NOX4: variants seen among roughly 807,000 people sequenced by gnomAD.
NOX4 encodes kidney oxidase-1.
In NOX4, 69 loss-of-function variants were observed where a neutral mutation model predicts 87.6. That is an observed-to-expected ratio of 0.79 (90% CI 0.65 to 0.96). The LOEUF (loss-of-function observed/expected upper bound fraction) is 0.96, where lower values mean the gene tolerates loss of function less well. Among genes scored for constraint, NOX4 ranks in the 40% least tolerant of loss-of-function variants. The pLI, the probability that NOX4 is intolerant of heterozygous loss-of-function variation, is 0.00. For synonymous variants in NOX4, 275 were observed against 238.2 expected, an observed-to-expected ratio of 1.15 and a Z score of -1.42; for missense variants, 680 against 681.5, an observed-to-expected ratio of 1.00 and a Z score of 0.02.
rs1941318090 is a variant in NOX4, at chr11:89,394,193, T to C, written c.1074+5824A>G. Among the ~76,000 whole-genome samples the C allele has an allele frequency of 2.6e-5, 4 of 152,256 alleles. No homozygotes were observed. The South Asian group carries it at 8.3e-4, about 32-fold the overall frequency. On this transcript the variant is annotated intron_variant, in intron 11 of 17. Coordinates refer to ENST00000263317, the MANE Select transcript of NOX4 (RefSeq NM_016931.5). The stretch of plus-strand genomic sequence containing the variant: ...TAGAAGCCTCTCTTCAGTGTGAACA[T>C]AGGTGAAAAATTCTTTGATACACTG...
the NOX4 span, among the ~76,000 whole-genome samples, chr11:89,515,177 A>C: frequency 6.6e-6 from 1 of 152,064 alleles, no homozygotes; most frequent in African/African-American, 2.4e-5. Context: ...TACTTCAATA[A>C]GACACTGATA....
At chr11:89,485,946 A>G (rs1371424936) in intron 2 of NOX4, among the ~76,000 whole-genome samples, 4 of 152,188 alleles carry the variant, frequency 2.6e-5, no homozygotes. Context: ...TAAACCAGCC[A>G]TGACCACGTT....
the NOX4 span, among the ~76,000 whole-genome samples, chr11:89,507,379 A>G: frequency 6.6e-6 from 1 of 151,224 alleles, no homozygotes; most frequent in Non-Finnish European, 1.5e-5. Context: ...TAGATATGCT[A>G]TATATAATAT....
intron 14 of NOX4, among the ~76,000 whole-genome samples, chr11:89,341,201 C>T (rs1945983953): frequency 6.8e-6 from 1 of 146,536 alleles, no homozygotes; most frequent in Non-Finnish European, 1.5e-5. Flanking sequence ...CCCCTCACTG[C>T]AACCCCCACC....
intron 12 of NOX4, among the ~76,000 whole-genome samples, chr11:89,367,078 T>C (rs1939060335): frequency 6.6e-6 from 1 of 152,166 alleles, no homozygotes; most frequent in South Asian, 2.1e-4. Context: ...AATGATTTAT[T>C]ATATTGTGAT....
intron 11 of NOX4, among the ~76,000 whole-genome samples, chr11:89,395,235 G>T (rs1246680285): frequency 1.3e-5 from 2 of 152,092 alleles, no homozygotes; most frequent in Non-Finnish European, 2.9e-5. Flanking sequence ...GTTTTGATTT[G>T]CATTTCTGTG....
chr11:89,529,709 A>G, the NOX4 span, among the ~76,000 whole-genome samples: 1 of 152,216 alleles, frequency 6.6e-6, no homozygotes, highest in Non-Finnish European at 1.5e-5. Context: ...GCCAAAGGAG[A>G]TACACAAATT....
chr11:89,461,957 C>A (rs74951149), intron 2 of NOX4, among the ~76,000 whole-genome samples: 283 of 151,544 alleles, frequency 1.9e-3, no homozygotes, highest in African/African-American at 5.6e-3. Flanking sequence ...TAAATGCAAT[C>A]CTTAGTAAAC....
intron 2 of NOX4, among the ~76,000 whole-genome samples, chr11:89,487,632 T>C (rs766987088): frequency 1.3e-5 from 2 of 152,160 alleles, no homozygotes; most frequent in Non-Finnish European, 2.9e-5. Context: ...AAGAGACTTA[T>C]AATATACCTT....
intron 8 of NOX4, among the ~76,000 whole-genome samples, chr11:89,414,750 C>T (rs917301046): frequency 4.6e-5 from 7 of 151,870 alleles, no homozygotes; most frequent in Non-Finnish European, 7.4e-5. Flanking sequence ...CCATTTTCTT[C>T]TTACTCCATT....
intron 8 of NOX4, among the ~76,000 whole-genome samples, chr11:89,418,148 G>C (rs1354591371): frequency 6.6e-6 from 1 of 151,826 alleles, no homozygotes; most frequent in Admixed American, 6.6e-5. Context: ...CAAAAAATTT[G>C]GGTCCTAAAT....
intron 2 of NOX4, among the ~76,000 whole-genome samples, chr11:89,471,087 T>C (rs1233100927): frequency 6.6e-6 from 1 of 152,210 alleles, no homozygotes. Flanking sequence ...CCCTCACTTA[T>C]AACTCTCCAA....
the NOX4 span, among the ~76,000 whole-genome samples, chr11:89,505,249 A>G: frequency 6.6e-6 from 1 of 151,932 alleles, no homozygotes; most frequent in Non-Finnish European, 1.5e-5. Flanking sequence ...TGCTAGACAC[A>G]AAATACATTA....
chr11:89,553,729 C>A, the NOX4 span, among the ~76,000 whole-genome samples: 9 of 151,960 alleles, frequency 5.9e-5, no homozygotes, highest in African/African-American at 1.9e-4. Flanking sequence ...GCAGATACAG[C>A]CCATTACACA....
chr11:89,436,551 T>G (rs1196413346), intron 6 of NOX4, among the ~76,000 whole-genome samples: 3 of 152,196 alleles, frequency 2.0e-5, no homozygotes, highest in Non-Finnish European at 4.4e-5. Context: ...TTATGCATAT[T>G]AAATTTATTA....
chr11:89,415,055 T>A (rs1756638991), intron 8 of NOX4, among the ~76,000 whole-genome samples: 1 of 152,000 alleles, frequency 6.6e-6, no homozygotes, highest in African/African-American at 2.4e-5. Context: ...TTATTAGCTG[T>A]GTGACTTTAG....
At chr11:89,367,274 C>A (rs909132029) in intron 12 of NOX4, among the ~76,000 whole-genome samples, 4 of 152,134 alleles carry the variant, frequency 2.6e-5, no homozygotes, top group Non-Finnish European at 5.9e-5. Context: ...ATTTGCCATT[C>A]ATCTTCTGCT....
chr11:89,583,279 C>T, the NOX4 span, among the ~76,000 whole-genome samples: 1 of 151,984 alleles, frequency 6.6e-6, no homozygotes, highest in Non-Finnish European at 1.5e-5. Flanking sequence ...CTCAGCACTG[C>T]ATAAACTCAG....
intron 2 of NOX4, among the ~76,000 whole-genome samples, chr11:89,475,798 A>C (rs945165052): frequency 1.3e-4 from 20 of 152,170 alleles, no homozygotes; most frequent in African/African-American, 4.8e-4. Context: ...AGGCACTGGG[A>C]GGGCACAATG....
Sources: gnomAD v4.1 joint callset for allele counts (sites outside exome capture counted in the v4.1 genomes callset) on GRCh38, gnomAD v4.1.1 for gene constraint, MANE v1.5 for transcripts, NCBI Gene and HGNC (gene_info 2026-07-23, HGNC 2026-07-21) for gene names.